The following TESK2 variants were observed in gnomAD, a reference collection of about 807,000 sequenced individuals.
TESK2 encodes dual specificity testis-specific protein kinase 2.
Under a neutral mutation model 57.1 loss-of-function variants are expected in TESK2, and 39 were observed. The observed-to-expected ratio is 0.68, with a 90% CI of 0.53 to 0.89. The LOEUF is 0.89. Ranked by LOEUF, TESK2 falls within the 40% of genes least tolerant of loss-of-function variation. The probability of loss-of-function intolerance (pLI) is 0.00; values close to 1 mark genes in which losing one functional copy is unlikely to be tolerated. For synonymous variants in TESK2, 249 were observed against 267.9 expected, an observed-to-expected ratio of 0.93 and a Z score of 0.69; for missense variants, 646 against 732.1, an observed-to-expected ratio of 0.88 and a Z score of 1.36.
intron 3 of TESK2, among the ~76,000 whole-genome samples, chr1:45,421,427 C>G (rs532167111): frequency 4.5e-4 from 68 of 152,292 alleles, no homozygotes; most frequent in Middle Eastern, 3.4e-3. Context: ...CCAATCTCTC[C>G]TCTTTGATAA....
At chr1:45,478,975 CAGCCTCCCAA>C (rs1653106359) in intron 1 of TESK2, among the ~76,000 whole-genome samples, 1 of 152,116 alleles carries the variant, frequency 6.6e-6, no homozygotes, top group Non-Finnish European at 1.5e-5. Flanking sequence ...CCGCCTGTCT[CAGCCTCCCAA>C]AGTGCTGGGA....
chr1:45,382,950 T>C (rs1648724127), intron 4 of TESK2, among the ~76,000 whole-genome samples: 1 of 152,212 alleles, frequency 6.6e-6, no homozygotes, highest in Non-Finnish European at 1.5e-5. Flanking sequence ...CCAAGTTCAA[T>C]TAATGTCTAC....
intron 2 of TESK2, among the ~76,000 whole-genome samples, chr1:45,439,733 T>C (rs770357327): frequency 9.9e-5 from 15 of 152,076 alleles, no homozygotes; most frequent in Admixed American, 6.6e-5. Context: ...GACAGGAGAA[T>C]TGCTTGAGCC....
At chr1:45,347,197 C>CA in intron 7 of TESK2, 135 bp from the exon 8 acceptor site, 4 of 693,754 alleles carry the variant, frequency 5.8e-6, no homozygotes, top group South Asian at 5.4e-5. Flanking sequence ...TCATCCCAGT[C>CA]AGTCACTGGG....
At chr1:45,347,383 T>C (rs536543805) in intron 7 of TESK2, among the ~76,000 whole-genome samples, 1 of 152,186 alleles carries the variant, frequency 6.6e-6, no homozygotes, top group African/African-American at 2.4e-5. Flanking sequence ...CTGGCCAATA[T>C]GGTGAAACCC....
chr1:45,405,665 T>G (rs1221255164), intron 3 of TESK2, among the ~76,000 whole-genome samples: 1 of 149,836 alleles, frequency 6.7e-6, no homozygotes, highest in African/African-American at 2.4e-5. Flanking sequence ...TATAGATATA[T>G]ATATAAAATC....
rs74369126 is a variant in TESK2 at position 45,348,336 on chromosome 1, A to G, written c.541-336T>C. Among the ~76,000 whole-genome samples the G allele has an allele frequency of 2.9e-3, 439 of 152,360 alleles. 5 individuals are homozygous for G. The highest frequency in any genetic ancestry group is 9.8e-3 in the African/African-American group (409 of 41,582). On this transcript the variant is annotated intron_variant, in intron 5 of 10. Coordinates refer to ENST00000372086, the MANE Select transcript of TESK2 (RefSeq NM_007170.3). ...CTTGTCCTCTTGGAGCTTGCAATATAGGGGAGAACAACAGACTATCAGGCC... is the reference window on the plus strand; with the variant it reads ...CTTGTCCTCTTGGAGCTTGCAATATGGGGGAGAACAACAGACTATCAGGCC...
At chr1:45,443,463 G>A (rs1297975220) in intron 2 of TESK2, among the ~76,000 whole-genome samples, 1 of 149,302 alleles carries the variant, frequency 6.7e-6, no homozygotes, top group African/African-American at 2.5e-5. Context: ...CCAGCTACTC[G>A]AGAGGCTGAG....
At chr1:45,354,604 C>T (rs1570640994) in intron 5 of TESK2, among the ~76,000 whole-genome samples, 1 of 150,460 alleles carries the variant, frequency 6.6e-6, no homozygotes, top group African/African-American at 2.4e-5. Context: ...CCAGCCTGGG[C>T]AATAAGAGTG....
intron 1 of TESK2, among the ~76,000 whole-genome samples, chr1:45,480,289 T>A (rs1323069261): frequency 2.0e-5 from 3 of 151,346 alleles, no homozygotes; most frequent in African/African-American, 4.9e-5. Context: ...TGAAACCCCA[T>A]CTCTATTAAA....
At chr1:45,419,978 G>A (rs1650406002) in intron 3 of TESK2, among the ~76,000 whole-genome samples, 1 of 152,150 alleles carries the variant, frequency 6.6e-6, no homozygotes, top group Non-Finnish European at 1.5e-5. Context: ...GACCAAACAT[G>A]TAAGTCATAC....
rs370058707 is a variant in TESK2 at position 45,457,603 on chromosome 1, A to G, written c.183T>C (p.Cys61=). The change falls in exon 2 of 11, where the codon TGT becomes TGC. Residue 61 remains cysteine (C), a synonymous_variant. Transcript: ENST00000372086. The part of the protein sequence containing the change: ...SRLTRLDDFT[C]EKIGSGFFSE... ...AAAAGAAGCCAGACCCTATTTTTTC[A>G]CAGGTGAAATCATCCAAACGCGTCA... The G allele has an allele frequency of 2.0e-4, 318 of 1,614,086 alleles. No individual in the cohort carries two copies. Among genetic ancestry groups the G allele is most frequent in the Middle Eastern group, 9.9e-4 (6 of 6,062 alleles).
chr1:45,344,784 G>T lies in TESK2; in HGVS notation c.*56C>A. On this transcript the variant is annotated 3_prime_UTR_variant, in exon 11 of 11. Coordinates refer to ENST00000372086, the MANE Select transcript of TESK2 (RefSeq NM_007170.3). ...AGAATCAAGGCTGTGCACCTAGGGG[G>T]CCATATGGTTTCAGCTGAAGGTCCA... The T allele has an allele frequency of 6.8e-7, 1 of 1,471,276 alleles. No homozygotes were observed. The highest frequency in any genetic ancestry group is 9.3e-7 in the Non-Finnish European group (1 of 1,071,164). The allele number at this position is 1,471,276 out of a possible 1,614,324, so 91.1% of individuals were successfully genotyped here. A position where few individuals can be genotyped will look rare whatever the true frequency, so the allele number is the denominator to read the frequency against.
chr1:45,409,884 C>T (rs1468259362), intron 3 of TESK2, among the ~76,000 whole-genome samples: 2 of 152,106 alleles, frequency 1.3e-5, no homozygotes, highest in African/African-American at 4.8e-5. Flanking sequence ...AAATCTTCAG[C>T]CAAGACACAG....
chr1:45,470,531 G>A (rs1313531470), intron 1 of TESK2, among the ~76,000 whole-genome samples: 1 of 152,186 alleles, frequency 6.6e-6, no homozygotes. Context: ...GCATATATTA[G>A]TACCAGACAG....
intron 1 of TESK2, among the ~76,000 whole-genome samples, chr1:45,472,810 A>C (rs1652820698): frequency 6.6e-6 from 1 of 152,036 alleles, no homozygotes; most frequent in South Asian, 2.1e-4. Flanking sequence ...ACTGGAGCTT[A>C]GGAGAGAGGA....
intron 5 of TESK2, among the ~76,000 whole-genome samples, chr1:45,350,283 C>A (rs1647213160): frequency 6.6e-6 from 1 of 152,240 alleles, no homozygotes. Flanking sequence ...TTCTTCAGAA[C>A]TGGGCCAGAT....
chr1:45,484,601 T>A (rs552631743), intron 1 of TESK2, among the ~76,000 whole-genome samples: 77 of 151,472 alleles, frequency 5.1e-4, no homozygotes, highest in African/African-American at 1.8e-3. Flanking sequence ...CCGGGCGTGG[T>A]GGTGCACGGC....
intron 3 of TESK2, among the ~76,000 whole-genome samples, chr1:45,403,604 T>G (rs999532522): frequency 6.6e-6 from 1 of 152,158 alleles, no homozygotes; most frequent in African/African-American, 2.4e-5. Flanking sequence ...AATCAGATCA[T>G]GTCAATAGCA....
Sources: gnomAD v4.1 joint callset for allele counts (sites outside exome capture counted in the v4.1 genomes callset) on GRCh38, gnomAD v4.1.1 for gene constraint, MANE v1.5 for transcripts, NCBI Gene and HGNC (gene_info 2026-07-23, HGNC 2026-07-21) for gene names.